BLTP1: variants seen among roughly 807,000 people sequenced by gnomAD.
BLTP1 encodes bridge-like lipid transfer protein family member 1, also known as fragile site-associated protein.
chr4:122,187,926 C>T, the BLTP1 span: 12 of 1,585,270 alleles, frequency 7.6e-6, no homozygotes, highest in South Asian at 1.2e-5. Context: ...CACTACCAGC[C>T]GCAAACTCTG....
the BLTP1 span, chr4:122,286,483 A>G: frequency 6.3e-7 from 1 of 1,594,172 alleles, no homozygotes; most frequent in East Asian, 2.2e-5. Flanking sequence ...GGAAAAAGTG[A>G]GGAATGAATG....
the BLTP1 span, chr4:122,262,793 T>C: frequency 6.2e-7 from 1 of 1,612,004 alleles, no homozygotes; most frequent in Admixed American, 1.7e-5. Flanking sequence ...CTCTGAGCTA[T>C]ACCAGTGGAG....
chr4:122,272,521 A>G, the BLTP1 span: 1 of 835,610 alleles, frequency 1.2e-6, no homozygotes, highest in Non-Finnish European at 1.8e-6. Context: ...TTTTTTTCCC[A>G]GAAAAACTGG....
chr4:122,232,181 G>A, the BLTP1 span: 1 of 891,742 alleles, frequency 1.1e-6, no homozygotes, highest in South Asian at 5.2e-5. Flanking sequence ...TCTTTCTTAC[G>A]AGTTAACAAG....
At chr4:122,215,785 GT>G in the BLTP1 span, among the ~76,000 whole-genome samples, 5 of 151,890 alleles carry the variant, frequency 3.3e-5, no homozygotes, top group Non-Finnish European at 7.4e-5. Flanking sequence ...TGCTGCACCC[GT>G]CACCTGAGCA....
At chr4:122,351,109 A>G in the BLTP1 span, 1 of 157,450 alleles carries the variant, frequency 6.4e-6, no homozygotes, top group Non-Finnish European at 1.4e-5. Flanking sequence ...TCATTATTGT[A>G]AGGAAGCCAT....
the BLTP1 span, chr4:122,330,902 T>G: frequency 5.6e-6 from 4 of 718,202 alleles, no homozygotes; most frequent in African/African-American, 7.7e-5. Context: ...AGGGTTCAAT[T>G]TCATTTTTTT....
the BLTP1 span, among the ~76,000 whole-genome samples, chr4:122,278,004 C>G: frequency 6.6e-6 from 1 of 151,832 alleles, no homozygotes; most frequent in Non-Finnish European, 1.5e-5. Flanking sequence ...TAGATTCTTC[C>G]TATTAAAGAA....
chr4:122,322,961 T>C, the BLTP1 span, among the ~76,000 whole-genome samples: 2 of 152,144 alleles, frequency 1.3e-5, no homozygotes. Context: ...ACTTTTCTCC[T>C]GAGGGGATTT....
At chr4:122,271,462 G>A in the BLTP1 span, 5 of 1,613,544 alleles carry the variant, frequency 3.1e-6, no homozygotes, top group East Asian at 4.5e-5. Flanking sequence ...CCAACAATGA[G>A]AATAACAAAA....
At chr4:122,356,089 G>GAAATCAATTTTGCCTAGA in the BLTP1 span, 1 of 839,006 alleles carries the variant, frequency 1.2e-6, no homozygotes. Context: ...AATATCTAAT[G>GAAATCAATTTTGCCTAGA]AAATTAATTT....
chr4:122,309,483 T>A, the BLTP1 span: 4 of 1,606,446 alleles, frequency 2.5e-6, no homozygotes, highest in South Asian at 4.4e-5. Flanking sequence ...CTTTTATTTC[T>A]ATATACAGTT....
chr4:122,282,507 TG>T, the BLTP1 span, among the ~76,000 whole-genome samples: 1 of 152,088 alleles, frequency 6.6e-6, no homozygotes, highest in Non-Finnish European at 1.5e-5. Context: ...CTGGGCATGA[TG>T]GCAGGCACCT....
chr4:122,292,379 C>T, the BLTP1 span: 2 of 845,366 alleles, frequency 2.4e-6, no homozygotes, highest in African/African-American at 1.8e-5. Context: ...TGTGAATATT[C>T]ACAAAGCTCT....
chr4:122,191,626 T>C, the BLTP1 span, among the ~76,000 whole-genome samples: 252 of 152,298 alleles, frequency 1.7e-3, 2 homozygotes, highest in Middle Eastern at 6.8e-3. Context: ...TTTAGTGATA[T>C]GGCTTCAGAT....
chr4:122,314,585 A>T, the BLTP1 span, among the ~76,000 whole-genome samples: 2 of 152,112 alleles, frequency 1.3e-5, no homozygotes, highest in African/African-American at 2.4e-5. Context: ...AAATGTTGAG[A>T]GAGGTAGAAA....
the BLTP1 span, chr4:122,299,737 C>A: frequency 1.1e-6 from 1 of 911,962 alleles, no homozygotes; most frequent in Non-Finnish European, 1.3e-6. Flanking sequence ...CACACAAATA[C>A]ACACATACAT....
chr4:122,256,432 A>G, the BLTP1 span, among the ~76,000 whole-genome samples: 2 of 152,340 alleles, frequency 1.3e-5, no homozygotes, highest in Admixed American at 1.3e-4. Context: ...TGTAAGAGGA[A>G]GAGGCACAAC....
At chr4:122,190,336 T>C in the BLTP1 span, 1 of 725,880 alleles carries the variant, frequency 1.4e-6, no homozygotes, top group Admixed American at 6.3e-5. Flanking sequence ...CCTTAAGTGA[T>C]CCTCCTGCCT....
Sources: gnomAD v4.1 joint callset for allele counts (sites outside exome capture counted in the v4.1 genomes callset) on GRCh38, gnomAD v4.1.1 for gene constraint, MANE v1.5 for transcripts, NCBI Gene and HGNC (gene_info 2026-07-23, HGNC 2026-07-21) for gene names.